The following RASEF variants were observed in gnomAD, a reference collection of about 807,000 sequenced individuals.
RASEF encodes ras and EF-hand domain-containing protein.
Under a neutral mutation model 90.1 loss-of-function variants are expected in RASEF, and 68 were observed. The ratio of observed to expected loss-of-function variants is 0.75; its 90% CI spans 0.62 to 0.92. The LOEUF is 0.92. Among genes scored for constraint, RASEF ranks in the 40% least tolerant of loss-of-function variants. RASEF has a pLI of 0.00. For synonymous variants in RASEF, 331 were observed against 345.2 expected, an observed-to-expected ratio of 0.96 and a Z score of 0.46; for missense variants, 949 against 937.2, an observed-to-expected ratio of 1.01 and a Z score of -0.16.
chr9:83,125,655 GT>G, the RASEF span, among the ~76,000 whole-genome samples: 4 of 152,268 alleles, frequency 2.6e-5, no homozygotes, highest in Admixed American at 6.5e-5. Context: ...AGCAAACATT[GT>G]TAATGAAGTC....
chr9:83,216,721 A>G, the RASEF span, among the ~76,000 whole-genome samples: 25 of 152,292 alleles, frequency 1.6e-4, no homozygotes, highest in African/African-American at 6.0e-4. Flanking sequence ...CTATGAGAAG[A>G]GGGCCTGTAA....
chr9:83,170,121 G>A, the RASEF span, among the ~76,000 whole-genome samples: 1 of 151,984 alleles, frequency 6.6e-6, no homozygotes, highest in Non-Finnish European at 1.5e-5. Flanking sequence ...GAGAGATAGA[G>A]GTCTAGTTTC....
At chr9:83,198,056 G>A in the RASEF span, among the ~76,000 whole-genome samples, 1 of 152,134 alleles carries the variant, frequency 6.6e-6, no homozygotes, top group African/African-American at 2.4e-5. Context: ...CATCACTCTG[G>A]TCTGAGAAAT....
intron 10 of RASEF, 52 bp downstream of exon 10, chr9:83,000,844 C>A: frequency 1.4e-6 from 2 of 1,440,210 alleles, no homozygotes; most frequent in South Asian, 2.3e-5. Context: ...AATAAGGTGA[C>A]AGATTTCAAT....
the RASEF span, among the ~76,000 whole-genome samples, chr9:83,178,786 G>T: frequency 6.6e-6 from 1 of 152,116 alleles, no homozygotes; most frequent in Non-Finnish European, 1.5e-5. Context: ...CCTTAGGTCT[G>T]CCTCCCTTCT....
intron 5 of RASEF, 84 bp from the exon 6 acceptor site, chr9:83,009,840 C>G (rs1284511418): frequency 1.3e-6 from 1 of 744,682 alleles, no homozygotes; most frequent in African/African-American, 1.7e-5. Flanking sequence ...TGTCACCCTC[C>G]CACACCACTC....
chr9:83,011,550 CAAAAA>C (rs71363083), intron 5 of RASEF, among the ~76,000 whole-genome samples: 3 of 28,108 alleles, frequency 1.1e-4, no homozygotes, highest in Admixed American at 6.2e-4. Context: ...GACTCCATCT[CAAAAA>C]AAAAAAAAAA....
At chr9:83,211,620 A>G in the RASEF span, among the ~76,000 whole-genome samples, 7 of 152,178 alleles carry the variant, frequency 4.6e-5, no homozygotes, top group African/African-American at 9.7e-5. Context: ...TAGTCTGAAG[A>G]CCATATGGTT....
the RASEF span, among the ~76,000 whole-genome samples, chr9:83,087,259 C>G: frequency 1.8e-3 from 273 of 152,226 alleles, 3 homozygotes; most frequent in East Asian, 5.8e-4. Flanking sequence ...GAATCCCTAA[C>G]CCCCAGTGTG....
At chr9:83,023,468 TGA>T (rs1829480184) in intron 2 of RASEF, among the ~76,000 whole-genome samples, 1 of 151,862 alleles carries the variant, frequency 6.6e-6, no homozygotes, top group Non-Finnish European at 1.5e-5. Flanking sequence ...TACCTGCTTT[TGA>T]CTTATTTACT....
At chr9:83,153,944 C>G in the RASEF span, among the ~76,000 whole-genome samples, 1 of 152,188 alleles carries the variant, frequency 6.6e-6, no homozygotes, top group Non-Finnish European at 1.5e-5. Context: ...TTTCCACCAC[C>G]CACTTGACAG....
At chr9:83,000,823 G>A in intron 10 of RASEF, 73 bp downstream of exon 10, 1 of 1,300,526 alleles carries the variant, frequency 7.7e-7, no homozygotes, top group Non-Finnish European at 1.1e-6. Flanking sequence ...TTCCATGACA[G>A]ATAGAAGGCA....
At chr9:83,075,137 A>G in the RASEF span, among the ~76,000 whole-genome samples, 2 of 152,164 alleles carry the variant, frequency 1.3e-5, no homozygotes, top group Non-Finnish European at 2.9e-5. Flanking sequence ...GCCTCTTTTT[A>G]GATGGCAGAA....
the RASEF span, among the ~76,000 whole-genome samples, chr9:83,087,971 TTC>T: frequency 6.6e-6 from 1 of 152,168 alleles, no homozygotes; most frequent in Non-Finnish European, 1.5e-5. Context: ...TCAAGTTATT[TTC>T]TGATTTCCAT....
At chr9:83,067,532 C>T (rs1830291954), upstream of RASEF, among the ~76,000 whole-genome samples, 1 of 152,156 alleles carries the variant, frequency 6.6e-6, no homozygotes, top group African/African-American at 2.4e-5. Flanking sequence ...GCATTAGAGA[C>T]CCAGCTGAAC....
chr9:83,208,396 C>T, the RASEF span, among the ~76,000 whole-genome samples: 1 of 152,192 alleles, frequency 6.6e-6, no homozygotes, highest in African/African-American at 2.4e-5. Flanking sequence ...CCCCCAGGTT[C>T]CTCTAAAAGT....
At chr9:83,146,174 G>C in the RASEF span, among the ~76,000 whole-genome samples, 1 of 151,408 alleles carries the variant, frequency 6.6e-6, no homozygotes. Flanking sequence ...TTTGTTTTTC[G>C]TAAGATGTCT....
At chr9:83,048,904 G>T in intron 1 of RASEF, 1 of 321,854 alleles carries the variant, frequency 3.1e-6, no homozygotes, top group Non-Finnish European at 4.5e-6. Context: ...CGAGGAAGGC[G>T]GATCACCTGA....
At chr9:83,214,387 A>T in the RASEF span, among the ~76,000 whole-genome samples, 1 of 152,322 alleles carries the variant, frequency 6.6e-6, no homozygotes, top group South Asian at 2.1e-4. Flanking sequence ...TCTGTCTCAA[A>T]AAATAAATAA....
Sources: gnomAD v4.1 joint callset for allele counts (sites outside exome capture counted in the v4.1 genomes callset) on GRCh38, gnomAD v4.1.1 for gene constraint, MANE v1.5 for transcripts, NCBI Gene and HGNC (gene_info 2026-07-23, HGNC 2026-07-21) for gene names.